HAO2: variants seen among roughly 807,000 people sequenced by gnomAD.
The protein encoded by HAO2 is 2-Hydroxyacid oxidase 2.
Under a neutral mutation model 37.4 loss-of-function variants are expected in HAO2, and 42 were observed. The ratio of observed to expected loss-of-function variants is 1.12; its 90% CI spans 0.88 to 1.45. The LOEUF is 1.45. HAO2 is among the 40% of genes most tolerant of loss of function. The probability of loss-of-function intolerance (pLI) is 0.00; values close to 1 mark genes in which losing one functional copy is unlikely to be tolerated. For synonymous variants in HAO2, 180 were observed against 162.8 expected, an observed-to-expected ratio of 1.11 and a Z score of -0.81; for missense variants, 476 against 430.2, an observed-to-expected ratio of 1.11 and a Z score of -0.94.
chr1:119,375,058 T>C (rs899211186), intron 1 of HAO2, among the ~76,000 whole-genome samples: 6 of 152,158 alleles, frequency 3.9e-5, no homozygotes, highest in African/African-American at 1.4e-4. Context: ...TCTAGAACAA[T>C]AGCTGGCAAT....
chr1:119,370,665 A>G (rs1026729493), intron 1 of HAO2, among the ~76,000 whole-genome samples: 6 of 152,162 alleles, frequency 3.9e-5, no homozygotes, highest in African/African-American at 1.4e-4. Context: ...AGCTTATAAT[A>G]TAGTCTGTCT....
chr1:119,391,971 G>A (rs1444186402), intron 5 of HAO2, 139 bp from the exon 6 acceptor site: 8 of 687,418 alleles, frequency 1.2e-5, no homozygotes, highest in African/African-American at 3.6e-5. Flanking sequence ...GTTGATCAGC[G>A]CTAGCAGCCT....
intron 1 of HAO2, chr1:119,370,224 G>T (rs587595198): frequency 6.6e-6 from 1 of 152,352 alleles, no homozygotes; most frequent in African/African-American, 2.4e-5. Flanking sequence ...ACTAGTCACA[G>T]AGCCATGCCT....
chr1:119,383,488 G>A (rs1043100904), intron 3 of HAO2, among the ~76,000 whole-genome samples: 1 of 152,142 alleles, frequency 6.6e-6, no homozygotes. Flanking sequence ...CACGACATTA[G>A]GTCCTAACAC....
At chr1:119,390,166 T>C (rs1650761419) in intron 5 of HAO2, among the ~76,000 whole-genome samples, 1 of 152,234 alleles carries the variant, frequency 6.6e-6, no homozygotes, top group Non-Finnish European at 1.5e-5. Flanking sequence ...TTTATACCAG[T>C]TCCATGCTGT....
intron 7 of HAO2, among the ~76,000 whole-genome samples, chr1:119,393,293 C>G (rs192554066): frequency 1.2e-3 from 189 of 152,180 alleles, no homozygotes; most frequent in African/African-American, 4.4e-3. Flanking sequence ...TCCTTATGTC[C>G]AATCTGAGCT....
chr1:119,382,888 A>C (rs1161572670), intron 2 of HAO2, 27 bp from the exon 3 acceptor site: 1 of 1,608,218 alleles, frequency 6.2e-7, no homozygotes, highest in Non-Finnish European at 8.5e-7. Flanking sequence ...TCTCACCAAC[A>C]GAAGATCTCT....
At position 119,385,280 on chromosome 1, in the gene HAO2, C is replaced by T. The variant is rs1650289957; in HGVS notation, c.561+227C>T. On this transcript the variant is annotated intron_variant, in intron 4 of 7. Coordinates refer to ENST00000325945, the MANE Select transcript of HAO2 (RefSeq NM_016527.4). ...CCAAATGTTCTCACCCTTGGAGCTG[C>T]CCAACTTGTCACCAGAAGTGTTCTG... The T allele has an allele frequency of 6.1e-6, 6 of 985,174 alleles. No individual in the cohort carries two copies. The South Asian group carries it at 2.8e-4, about 46-fold the overall frequency. The allele number at this position is 985,174 out of a possible 1,614,324, so 61.0% of individuals were successfully genotyped here. A position where few individuals can be genotyped will look rare whatever the true frequency, so the allele number is the denominator to read the frequency against.
At chr1:119,378,220 C>T (rs774204467) in intron 1 of HAO2, among the ~76,000 whole-genome samples, 23 of 152,100 alleles carry the variant, frequency 1.5e-4, no homozygotes, top group African/African-American at 2.2e-4. Flanking sequence ...CCAGCCTGGG[C>T]GACAGAGTGA....
chr1:119,380,239 C>G (rs1649809199), intron 1 of HAO2, among the ~76,000 whole-genome samples: 1 of 152,098 alleles, frequency 6.6e-6, no homozygotes, highest in African/African-American at 2.4e-5. Context: ...GAGATTTATT[C>G]ATTACCCCCA....
At chr1:119,392,540 T>A in intron 6 of HAO2, 78 bp from the exon 7 acceptor site, 3 of 942,836 alleles carry the variant, frequency 3.2e-6, no homozygotes, top group Non-Finnish European at 5.3e-6. Context: ...TCTGACTACA[T>A]CTAGAATTTA....
chr1:119,369,479 A>G (rs1156548971), intron 1 of HAO2, among the ~76,000 whole-genome samples: 1 of 152,202 alleles, frequency 6.6e-6, no homozygotes, highest in Non-Finnish European at 1.5e-5. Flanking sequence ...ACGCTAATGA[A>G]GACAGGGAGG....
intron 2 of HAO2, among the ~76,000 whole-genome samples, chr1:119,381,490 C>G (rs1347747554): frequency 2.6e-5 from 4 of 152,114 alleles, no homozygotes; most frequent in Non-Finnish European, 5.9e-5. Flanking sequence ...GAACAAGAGT[C>G]CCAGAATGAC....
intron 1 of HAO2, chr1:119,380,578 G>A (rs970241668): frequency 2.8e-6 from 2 of 711,310 alleles, no homozygotes; most frequent in Admixed American, 2.4e-5. Context: ...AATGAAGCTG[G>A]TGAGGCAGTG....
intron 3 of HAO2, among the ~76,000 whole-genome samples, chr1:119,384,498 A>C (rs1249085738): frequency 6.6e-6 from 1 of 152,174 alleles, no homozygotes; most frequent in Non-Finnish European, 1.5e-5. Context: ...CACAACCAAC[A>C]TGATTCTGGA....
chr1:119,384,628 A>C (rs956952219), intron 3 of HAO2, 148 bp from the exon 4 acceptor site: 2 of 660,952 alleles, frequency 3.0e-6, no homozygotes, highest in East Asian at 5.4e-5. Flanking sequence ...ATTGCCTTCC[A>C]TCCCTTTCTT....
rs1650323599 is a variant in HAO2 at position 119,385,668 on chromosome 1, C to T, written c.561+615C>T. ...CCATTAAAATCCTACAATTAAATGGCAAGAAGTGCCTCAGAGAGAGACAGC... is the reference window on the plus strand; with the variant it reads ...CCATTAAAATCCTACAATTAAATGGTAAGAAGTGCCTCAGAGAGAGACAGC... On this transcript the variant is annotated intron_variant, in intron 4 of 7. Coordinates refer to ENST00000325945, the MANE Select transcript of HAO2 (RefSeq NM_016527.4). 4 of 985,262 alleles carry T rather than the reference C, an allele frequency of 4.1e-6. No homozygotes were observed. In the South Asian group the frequency reaches 1.4e-4, roughly 35 times the overall value. The allele number at this position is 985,262 out of a possible 1,614,324, so 61.0% of individuals were successfully genotyped here. A position where few individuals can be genotyped will look rare whatever the true frequency, so the allele number is the denominator to read the frequency against.
At chr1:119,370,784 C>A (rs1038815102) in intron 1 of HAO2, among the ~76,000 whole-genome samples, 1 of 152,116 alleles carries the variant, frequency 6.6e-6, no homozygotes, top group African/African-American at 2.4e-5. Flanking sequence ...GACAGAGAAG[C>A]CAGGAGGAAG....
At chr1:119,392,013 C>T (rs1229371245) in intron 5 of HAO2, 97 bp from the exon 6 acceptor site, 19 of 1,040,096 alleles carry the variant, frequency 1.8e-5, no homozygotes, top group South Asian at 9.8e-5. Context: ...TTGTCAAGGG[C>T]GTCTCCTCAG....
Sources: allele counts gnomAD v4.1 joint callset (sites outside exome capture counted in the v4.1 genomes callset), GRCh38; gene constraint gnomAD v4.1.1; transcripts MANE v1.5; gene names NCBI Gene and HGNC (gene_info 2026-07-23, HGNC 2026-07-21).